The following NCKAP5 variants were observed in gnomAD, a reference collection of about 807,000 sequenced individuals.
NCKAP5 encodes the protein nck-associated protein 5.
In NCKAP5, 92 loss-of-function variants were observed where a neutral mutation model predicts 167.0. The ratio of observed to expected loss-of-function variants is 0.55; its 90% CI spans 0.47 to 0.66. The LOEUF (loss-of-function observed/expected upper bound fraction) is 0.66. Ranked by LOEUF, NCKAP5 falls within the 30% of genes least tolerant of loss-of-function variation. The pLI is 0.00. For missense variants in NCKAP5, 2,378 were observed against 2,315.0 expected (o/e 1.03, Z -0.56); for synonymous variants, 891 against 877.4 (o/e 1.02, Z -0.27).
At chr2:133,263,964 T>C (rs1043336883) in intron 4 of NCKAP5, among the ~76,000 whole-genome samples, 2 of 152,220 alleles carry the variant, frequency 1.3e-5, no homozygotes. Context: ...TTTTGCTTAA[T>C]TTGCTAGTCT....
chr2:132,908,816 C>A (rs1237654643), intron 8 of NCKAP5, among the ~76,000 whole-genome samples: 1 of 152,178 alleles, frequency 6.6e-6, no homozygotes, highest in South Asian at 2.1e-4. Context: ...ACAAATTATG[C>A]TGAATAATGC....
chr2:133,453,414 T>G (rs1179807907), intron 3 of NCKAP5, among the ~76,000 whole-genome samples: 1 of 152,148 alleles, frequency 6.6e-6, no homozygotes, highest in African/African-American at 2.4e-5. Context: ...GATAAAAATA[T>G]TGTGCACAGC....
chr2:133,611,320 CCTT>C, the NCKAP5 span, among the ~76,000 whole-genome samples: 1 of 152,168 alleles, frequency 6.6e-6, no homozygotes, highest in Admixed American at 6.5e-5. Context: ...TCTCCTTCTC[CCTT>C]CTTCAAGGTT....
chr2:133,528,399 G>A (rs1245657611), intron 2 of NCKAP5, among the ~76,000 whole-genome samples: 1 of 151,676 alleles, frequency 6.6e-6, no homozygotes, highest in Non-Finnish European at 1.5e-5. Flanking sequence ...GGAGTTCTAT[G>A]GATATTTGGA....
chr2:133,594,859 T>A, the NCKAP5 span, among the ~76,000 whole-genome samples: 13 of 147,980 alleles, frequency 8.8e-5, no homozygotes, highest in Non-Finnish European at 1.9e-4. Flanking sequence ...GCTGAGTTGC[T>A]GAGTTTACTC....
At chr2:132,963,644 T>G in intron 8 of NCKAP5, 76 bp downstream of exon 8, 1 of 1,460,400 alleles carries the variant, frequency 6.8e-7, no homozygotes, top group Non-Finnish European at 9.5e-7. Context: ...TTATACTCAC[T>G]CAAAACCAGT....
intron 8 of NCKAP5, among the ~76,000 whole-genome samples, chr2:132,909,642 T>C (rs1359769693): frequency 2.6e-5 from 4 of 152,166 alleles, no homozygotes. Context: ...GTGTTCTAAC[T>C]CCTCACCAAT....
chr2:132,983,642 G>T (rs2077203068), intron 7 of NCKAP5, among the ~76,000 whole-genome samples: 1 of 152,138 alleles, frequency 6.6e-6, no homozygotes. Context: ...ATGGAGAAAA[G>T]AAGAAATACT....
the NCKAP5 span, among the ~76,000 whole-genome samples, chr2:133,598,901 C>T: frequency 6.6e-6 from 1 of 152,216 alleles, no homozygotes; most frequent in African/African-American, 2.4e-5. Context: ...TCCCTCCCAG[C>T]CCCATCCTAG....
At chr2:133,245,541 G>T (rs2087933526) in intron 4 of NCKAP5, among the ~76,000 whole-genome samples, 1 of 152,088 alleles carries the variant, frequency 6.6e-6, no homozygotes, top group Admixed American at 6.5e-5. Flanking sequence ...TGACCTGGGT[G>T]CTAATTACAT....
At chr2:133,304,205 G>A (rs1559367256) in intron 3 of NCKAP5, among the ~76,000 whole-genome samples, 1 of 152,126 alleles carries the variant, frequency 6.6e-6, no homozygotes, top group Admixed American at 6.6e-5. Context: ...ATAATAAGGT[G>A]AGGGGCTGGG....
At chr2:133,249,323 G>A (rs534993179) in intron 4 of NCKAP5, among the ~76,000 whole-genome samples, 1 of 152,268 alleles carries the variant, frequency 6.6e-6, no homozygotes, top group South Asian at 2.1e-4. Context: ...GGATGTAGGG[G>A]TCAAAGTGAT....
At chr2:133,603,206 G>T in the NCKAP5 span, among the ~76,000 whole-genome samples, 391 of 142,800 alleles carry the variant, frequency 2.7e-3, 2 homozygotes, top group African/African-American at 9.3e-3. Context: ...GATGGCATCG[G>T]TTTTTTTTTT....
At chr2:133,501,535 G>C (rs528328096) in intron 3 of NCKAP5, among the ~76,000 whole-genome samples, 1 of 152,150 alleles carries the variant, frequency 6.6e-6, no homozygotes, top group Admixed American at 6.5e-5. Flanking sequence ...CAGCAATTTC[G>C]AGTTAACTTT....
chr2:133,608,401 G>A, the NCKAP5 span, among the ~76,000 whole-genome samples: 1 of 152,118 alleles, frequency 6.6e-6, no homozygotes, highest in Non-Finnish European at 1.5e-5. Flanking sequence ...CTACAGTCCT[G>A]ATACTTCTTT....
At chr2:133,081,576 T>C (rs763328015) in intron 6 of NCKAP5, among the ~76,000 whole-genome samples, 1 of 152,204 alleles carries the variant, frequency 6.6e-6, no homozygotes, top group Non-Finnish European at 1.5e-5. Context: ...CAAAATGTTT[T>C]TTAAAGCTTG....
At position 132,878,918 on chromosome 2, in the gene NCKAP5, T is replaced by G. The variant is rs1338870446; in HGVS notation, c.580-2A>C. 6.2e-7 allele frequency: 1 copy of G among 1,610,160 alleles called. No individual in the cohort carries two copies. The highest frequency in any genetic ancestry group is 8.5e-7 in the Non-Finnish European group (1 of 1,176,502). On this transcript the variant is annotated splice_acceptor_variant, in intron 8 of 19. Coordinates refer to ENST00000409261, the MANE Select transcript of NCKAP5 (RefSeq NM_207363.3). LOFTEE classifies it high-confidence loss of function. Reference sequence around the variant, plus strand: ...CAAAGCCAACGCTGAATTCTCTGCCTGCAGTAAGATACAAAAATAACACAA... The same window carrying G: ...CAAAGCCAACGCTGAATTCTCTGCCGGCAGTAAGATACAAAAATAACACAA...
intron 3 of NCKAP5, among the ~76,000 whole-genome samples, chr2:133,407,828 C>T (rs749396655): frequency 9.2e-5 from 14 of 152,092 alleles, no homozygotes; most frequent in East Asian, 1.9e-4. Context: ...TAAATATTTA[C>T]GAGTGGGCTT....
intron 3 of NCKAP5, among the ~76,000 whole-genome samples, chr2:133,340,088 TTA>T (rs1350498000): frequency 6.6e-6 from 1 of 152,156 alleles, no homozygotes; most frequent in Non-Finnish European, 1.5e-5. Flanking sequence ...CAGCAAATTA[TTA>T]TGTTTTTAAA....
Sources: allele counts gnomAD v4.1 joint callset (sites outside exome capture counted in the v4.1 genomes callset), GRCh38; gene constraint gnomAD v4.1.1; transcripts MANE v1.5; gene names NCBI Gene and HGNC (gene_info 2026-07-23, HGNC 2026-07-21).